CTNNA1: variants seen among roughly 807,000 people sequenced by gnomAD.
The protein encoded by CTNNA1 is catenin alpha 1.
Under a neutral mutation model 98.4 loss-of-function variants are expected in CTNNA1, and 37 were observed. The observed-to-expected ratio is 0.38, with a 90% CI of 0.29 to 0.49. The LOEUF (loss-of-function observed/expected upper bound fraction) is 0.49. Ranked by LOEUF, CTNNA1 falls within the 20% of genes least tolerant of loss-of-function variation. The pLI, the probability that CTNNA1 is intolerant of heterozygous loss-of-function variation, is 0.95. For synonymous variants in CTNNA1, 404 were observed against 413.2 expected (o/e 0.98, Z 0.27); for missense variants, 761 against 1,147.2 (o/e 0.66, Z 4.86).
In CTNNA1 at chr5:138,930,668, C is replaced by CG; in HGVS notation, c.2192+16dup. 6.2e-7 allele frequency: 1 copy of CG among 1,606,602 alleles called. No individual in the cohort carries two copies. The highest frequency in any genetic ancestry group is 8.5e-7 in the Non-Finnish European group (1 of 1,175,250). On this transcript the variant is annotated intron_variant, in intron 15 of 17. Coordinates refer to ENST00000302763, the MANE Select transcript of CTNNA1 (RefSeq NM_001903.5). ...AGACTTTACCCGGTGAGCAGCACCC[C>CG]GGCCCCACCAGGCTGCACAGGGGCT...
chr5:138,862,014 G>C (rs1022954437), intron 7 of CTNNA1, among the ~76,000 whole-genome samples: 2 of 152,186 alleles, frequency 1.3e-5, no homozygotes, highest in Non-Finnish European at 2.9e-5. Context: ...ATCTTGGAAA[G>C]ACAATGCCAA....
intron 7 of CTNNA1, chr5:138,872,241 C>T (rs1750735616): frequency 6.6e-6 from 1 of 152,476 alleles, no homozygotes; most frequent in Admixed American, 6.6e-5. Context: ...GTCTAAATGC[C>T]ACAAAAATCA....
chr5:138,825,199 A>G (rs894756072), intron 6 of CTNNA1, among the ~76,000 whole-genome samples: 3 of 152,210 alleles, frequency 2.0e-5, no homozygotes, highest in South Asian at 4.1e-4. Context: ...GAGAAACATC[A>G]TAAGTGACTG....
At chr5:138,796,855 G>A (rs951390402) in intron 3 of CTNNA1, among the ~76,000 whole-genome samples, 10 of 152,138 alleles carry the variant, frequency 6.6e-5, no homozygotes, top group Admixed American at 3.3e-4. Context: ...TTCTCTTTTG[G>A]ATTTGGCAGT....
At chr5:138,764,077 C>A (rs2149585953) in intron 1 of CTNNA1, among the ~76,000 whole-genome samples, 1 of 152,270 alleles carries the variant, frequency 6.6e-6, no homozygotes, top group Admixed American at 6.5e-5. Flanking sequence ...CCCAGCTACT[C>A]CTGAGTCTGA....
intron 7 of CTNNA1, among the ~76,000 whole-genome samples, chr5:138,848,229 A>G (rs1336095040): frequency 2.6e-5 from 4 of 152,252 alleles, no homozygotes; most frequent in Admixed American, 6.5e-5. Flanking sequence ...TGTTTCCTCA[A>G]CTGGGAACTG....
chr5:138,855,953 G>C lies in CTNNA1; in HGVS notation c.1062+28235G>C, dbSNP rs189116280. ...TTTTGAAAGAATCTTTCTAAAGAAG[G>C]AGAAAGTATGTGACCCTGGAGAGGA... is the stretch of plus-strand genomic sequence containing the variant. On this transcript the variant is annotated intron_variant, in intron 7 of 17. Coordinates refer to ENST00000302763, the MANE Select transcript of CTNNA1 (RefSeq NM_001903.5). Among the ~76,000 whole-genome samples the C allele has an allele frequency of 2.6e-3, 389 of 152,284 alleles. 1 individual carries two copies. The highest frequency in any genetic ancestry group is 0.016 in the South Asian group (76 of 4,818).
intron 5 of CTNNA1, among the ~76,000 whole-genome samples, chr5:138,820,031 C>A (rs917607503): frequency 7.1e-6 from 1 of 140,294 alleles, no homozygotes; most frequent in African/African-American, 2.6e-5. Flanking sequence ...CCACCCACCC[C>A]CCGCCCTGCC....
intron 10 of CTNNA1, among the ~76,000 whole-genome samples, chr5:138,911,554 A>G (rs898921736): frequency 3.3e-5 from 5 of 152,198 alleles, no homozygotes; most frequent in Non-Finnish European, 7.4e-5. Flanking sequence ...GAGGCTGGCC[A>G]CAAGTCAAGT....
At chr5:138,896,507 T>C (rs535147122) in intron 9 of CTNNA1, among the ~76,000 whole-genome samples, 1 of 152,312 alleles carries the variant, frequency 6.6e-6, no homozygotes, top group Non-Finnish European at 1.5e-5. Context: ...CTCAGTGGAA[T>C]CTGGTAACTC....
intron 1 of CTNNA1, among the ~76,000 whole-genome samples, chr5:138,781,083 G>T (rs1339845398): frequency 2.0e-5 from 3 of 152,166 alleles, no homozygotes; most frequent in Non-Finnish European, 4.4e-5. Flanking sequence ...ATAGCTGTGG[G>T]TGCAGAGGGC....
rs891815121 is a variant in CTNNA1, at chr5:138,812,387, A to G, written c.588+85A>G. The stretch of plus-strand genomic sequence containing the variant: ...CTCATTCTGTGTGTTTTCTGAAAGT[A>G]CCATTACTTACCTTCGCCAATATAG... On this transcript the variant is annotated intron_variant, in intron 5 of 17. Coordinates refer to ENST00000302763, the MANE Select transcript of CTNNA1 (RefSeq NM_001903.5). The G allele has an allele frequency of 1.7e-5, 24 of 1,413,950 alleles. No individual in the cohort carries two copies. In the Admixed American group the frequency reaches 5.2e-4, roughly 31 times the overall value. 87.6% of individuals were successfully genotyped at this position (1,413,950 alleles called of 1,614,324 possible).
intron 7 of CTNNA1, among the ~76,000 whole-genome samples, chr5:138,852,244 T>G (rs527645168): frequency 7.0e-4 from 106 of 152,254 alleles, no homozygotes; most frequent in African/African-American, 2.5e-3. Flanking sequence ...ATTGCCTCAG[T>G]GTAACCCATG....
chr5:138,819,045 G>A (rs113751566), intron 5 of CTNNA1, among the ~76,000 whole-genome samples: 3 of 143,006 alleles, frequency 2.1e-5, no homozygotes, highest in Admixed American at 7.3e-5. Flanking sequence ...CTTTCCTTAG[G>A]GGGCAGGGCA....
chr5:138,780,481 C>T (rs1754949809), intron 1 of CTNNA1, among the ~76,000 whole-genome samples: 1 of 151,950 alleles, frequency 6.6e-6, no homozygotes, highest in South Asian at 2.1e-4. Flanking sequence ...GCGTGAGCCA[C>T]TGCGCCTGGC....
intron 7 of CTNNA1, among the ~76,000 whole-genome samples, chr5:138,857,911 A>G (rs970732279): frequency 3.3e-5 from 5 of 152,198 alleles, no homozygotes; most frequent in Non-Finnish European, 7.3e-5. Flanking sequence ...TTTGAAAATT[A>G]CGCATGTAGG....
At chr5:138,909,081 A>T (rs933448944) in intron 10 of CTNNA1, among the ~76,000 whole-genome samples, 4 of 152,090 alleles carry the variant, frequency 2.6e-5, no homozygotes, top group Non-Finnish European at 4.4e-5. Context: ...AAACACAAAA[A>T]CCCCAAACCT....
rs1055292550 is a variant in CTNNA1, at chr5:138,785,951, GTTTC to G, written c.301+2582_301+2585del. On this transcript the variant is annotated intron_variant, in intron 3 of 17. Coordinates refer to ENST00000302763, the MANE Select transcript of CTNNA1 (RefSeq NM_001903.5). ...AGGTAATTTTAATTTGACTTTATAT[GTTTC>G]TTATTTCAGAAGTTTCTCCAGTGCA... 2.0e-5 allele frequency among the ~76,000 whole-genome samples: 3 copies of G among 152,112 alleles called. 1 individual carries two copies. Among genetic ancestry groups the G allele is most frequent in the African/African-American group, 7.2e-5 (3 of 41,426 alleles).
intron 2 of CTNNA1, chr5:138,782,292 A>AG (rs1755202413): frequency 1.3e-5 from 7 of 543,726 alleles, no homozygotes; most frequent in South Asian, 1.1e-4. Context: ...CTTTGCAGAT[A>AG]CTTCACCTTT....
Sources: gnomAD v4.1 joint callset for allele counts (sites outside exome capture counted in the v4.1 genomes callset) on GRCh38, gnomAD v4.1.1 for gene constraint, MANE v1.5 for transcripts, NCBI Gene and HGNC (gene_info 2026-07-23, HGNC 2026-07-21) for gene names.